LRRC4C: variants seen among roughly 807,000 people sequenced by gnomAD.
The protein encoded by LRRC4C is leucine-rich repeat-containing protein 4C.
Under a neutral mutation model 33.6 loss-of-function variants are expected in LRRC4C, and 5 were observed. The observed-to-expected ratio is 0.15, with a 90% CI of 0.08 to 0.31. The LOEUF is 0.31. Ranked by LOEUF, LRRC4C falls within the 10% of genes least tolerant of loss-of-function variation. LRRC4C has a pLI of 1.00. For missense variants in LRRC4C, 560 were observed against 796.7 expected (o/e 0.70, Z 3.58); for synonymous variants, 329 against 302.0 (o/e 1.09, Z -0.93).
At chr11:40,949,838 A>G (rs2136701235) in intron 1 of LRRC4C, among the ~76,000 whole-genome samples, 1 of 152,124 alleles carries the variant, frequency 6.6e-6, no homozygotes, top group South Asian at 2.1e-4. Flanking sequence ...CTAACATCAT[A>G]ATGACAGGAT....
intron 1 of LRRC4C, among the ~76,000 whole-genome samples, chr11:41,003,430 G>C (rs1449534725): frequency 6.6e-6 from 1 of 152,132 alleles, no homozygotes; most frequent in East Asian, 1.9e-4. Context: ...AGGACATTCA[G>C]ACTTTGCCTC....
chr11:40,538,452 G>A (rs1269378901), intron 3 of LRRC4C, among the ~76,000 whole-genome samples: 1 of 152,146 alleles, frequency 6.6e-6, no homozygotes, highest in African/African-American at 2.4e-5. Context: ...TTCCTACAAA[G>A]GACATGAACT....
chr11:40,580,679 A>G (rs1269967851), intron 3 of LRRC4C, among the ~76,000 whole-genome samples: 1 of 152,212 alleles, frequency 6.6e-6, no homozygotes, highest in African/African-American at 2.4e-5. Flanking sequence ...CTATTAAAAG[A>G]CAAATCCTCA....
At chr11:40,692,300 G>C (rs999325631) in intron 2 of LRRC4C, among the ~76,000 whole-genome samples, 24 of 151,948 alleles carry the variant, frequency 1.6e-4, no homozygotes, top group Non-Finnish European at 2.6e-4. Context: ...GGTGAGGTGG[G>C]GGGGATGGGT....
chr11:41,040,954 T>G (rs1354089918), intron 1 of LRRC4C, among the ~76,000 whole-genome samples: 3 of 152,198 alleles, frequency 2.0e-5, no homozygotes, highest in African/African-American at 7.2e-5. Context: ...CTATATTCTA[T>G]GCAGATATAC....
intron 3 of LRRC4C, among the ~76,000 whole-genome samples, chr11:40,484,788 GAAC>G (rs776282471): frequency 2.0e-5 from 3 of 152,102 alleles, no homozygotes; most frequent in Admixed American, 6.5e-5. Context: ...GTCATATGCA[GAAC>G]AACAACAAAA....
chr11:41,395,342 C>T (rs191703264), intron 1 of LRRC4C, among the ~76,000 whole-genome samples: 39 of 152,048 alleles, frequency 2.6e-4, no homozygotes, highest in African/African-American at 8.7e-4. Flanking sequence ...GGTAGAAATG[C>T]TGTATAACCT....
chr11:41,243,782 G>C (rs918044812), intron 1 of LRRC4C, among the ~76,000 whole-genome samples: 10 of 152,158 alleles, frequency 6.6e-5, no homozygotes, highest in African/African-American at 2.4e-4. Flanking sequence ...TTTAACCAGG[G>C]CTAGACCACT....
intron 1 of LRRC4C, among the ~76,000 whole-genome samples, chr11:41,161,810 A>G (rs1944484237): frequency 6.6e-6 from 1 of 152,238 alleles, no homozygotes; most frequent in Non-Finnish European, 1.5e-5. Context: ...TTTAAATTAC[A>G]GTATAAAGTT....
chr11:40,900,223 A>G (rs138176125), intron 2 of LRRC4C, among the ~76,000 whole-genome samples: 2 of 152,234 alleles, frequency 1.3e-5, no homozygotes, highest in East Asian at 3.9e-4. Flanking sequence ...ATTTTAATGA[A>G]CAAATTGTTC....
chr11:41,083,439 G>A lies in LRRC4C; in HGVS notation c.-495-149716C>T, dbSNP rs1016630873. ...CAACAGAGAACAGAAACATTACACC[G>A]ACTTTCTCAGCCCGCCACATTTCAT... On this transcript the variant is annotated intron_variant, in intron 1 of 6. Transcript: ENST00000528697. 2.6e-5 allele frequency among the ~76,000 whole-genome samples: 4 copies of A among 152,030 alleles called. No homozygotes were observed. In the South Asian group the frequency reaches 6.2e-4, roughly 24 times the overall value.
chr11:40,853,723 A>G, intron 2 of LRRC4C, among the ~76,000 whole-genome samples: 1 of 152,178 alleles, frequency 6.6e-6, no homozygotes, highest in Non-Finnish European at 1.5e-5. Flanking sequence ...CTTCTTGGCA[A>G]TGATTAGAGG....
chr11:40,756,044 GGCATGCAAGT>G (rs1948930658), intron 2 of LRRC4C, among the ~76,000 whole-genome samples: 1 of 151,916 alleles, frequency 6.6e-6, no homozygotes, highest in African/African-American at 2.4e-5. Flanking sequence ...AAAAACAACA[GGCATGCAAGT>G]GCCTAAAGGG....
intron 4 of LRRC4C, among the ~76,000 whole-genome samples, chr11:40,268,319 A>C (rs1428076169): frequency 2.0e-5 from 3 of 152,204 alleles, no homozygotes; most frequent in Non-Finnish European, 4.4e-5. Flanking sequence ...AGTGAGATAC[A>C]AGAGGGTCCT....
chr11:41,341,193 C>A (rs185810755), intron 1 of LRRC4C, among the ~76,000 whole-genome samples: 2 of 151,962 alleles, frequency 1.3e-5, no homozygotes, highest in African/African-American at 4.8e-5. Flanking sequence ...AAAACAAGTA[C>A]CAGAGAAAAA....
At chr11:41,163,390 T>A (rs1357718543) in intron 1 of LRRC4C, among the ~76,000 whole-genome samples, 2 of 143,458 alleles carry the variant, frequency 1.4e-5, no homozygotes, top group Non-Finnish European at 3.0e-5. Context: ...TTCAAATGAT[T>A]CCCCTGCCTC....
At chr11:41,426,445 A>G (rs1418132667) in intron 1 of LRRC4C, 1 of 152,100 alleles carries the variant, frequency 6.6e-6, no homozygotes, top group East Asian at 1.9e-4. Flanking sequence ...ATGGTCCCCA[A>G]AGTAGTCTTA....
chr11:40,514,397 C>A (rs1034479559), intron 3 of LRRC4C, among the ~76,000 whole-genome samples: 1 of 152,038 alleles, frequency 6.6e-6, no homozygotes, highest in Non-Finnish European at 1.5e-5. Flanking sequence ...AGCTCTATGG[C>A]CTTGAGCAAG....
At chr11:40,961,168 T>A (rs932116079) in intron 1 of LRRC4C, among the ~76,000 whole-genome samples, 4 of 151,766 alleles carry the variant, frequency 2.6e-5, no homozygotes, top group Non-Finnish European at 5.9e-5. Flanking sequence ...AATCTTCTGA[T>A]AATAGATCAG....
Sources: allele counts gnomAD v4.1 joint callset (sites outside exome capture counted in the v4.1 genomes callset), GRCh38; gene constraint gnomAD v4.1.1; transcripts MANE v1.5; gene names NCBI Gene and HGNC (gene_info 2026-07-23, HGNC 2026-07-21).